Variants in NREP observed in about 807,000 individuals in gnomAD.
NREP encodes neuronal regeneration-related protein.
NREP carries 5 observed loss-of-function variants against 8.6 expected under a neutral mutation model. The ratio of observed to expected loss-of-function variants is 0.58; its 90% confidence interval spans 0.30 to 1.22. The LOEUF (loss-of-function observed/expected upper bound fraction) is 1.22. Ranked by LOEUF, NREP falls within the 50% of genes most tolerant of loss-of-function variation. The pLI is 0.07. For synonymous variants in NREP, 27 were observed against 28.0 expected, an observed-to-expected ratio of 0.96 and a Z score of 0.11; for missense variants, 86 against 82.5, an observed-to-expected ratio of 1.04 and a Z score of -0.17.
chr5:111,856,347 T>C (rs2112475262), intron 2 of NREP, among the ~76,000 whole-genome samples: 1 of 152,332 alleles, frequency 6.6e-6, no homozygotes, highest in South Asian at 2.1e-4. Context: ...TTTCACAGCC[T>C]AATGCCCTTT....
chr5:111,780,432 GGAAA>G (rs1331930258), intron 2 of NREP, among the ~76,000 whole-genome samples: 1 of 152,150 alleles, frequency 6.6e-6, no homozygotes, highest in Non-Finnish European at 1.5e-5. Context: ...CTGGAACACA[GGAAA>G]GAGTCATAGA....
intron 2 of NREP, among the ~76,000 whole-genome samples, chr5:111,926,728 G>C (rs562812497): frequency 1.3e-5 from 2 of 151,950 alleles, no homozygotes; most frequent in African/African-American, 4.8e-5. Context: ...AAGAAAAGAC[G>C]TCCCTTAGTC....
At chr5:111,829,849 G>T (rs73789516) in intron 2 of NREP, among the ~76,000 whole-genome samples, 2,265 of 152,184 alleles carry the variant, frequency 0.015, 44 homozygotes, top group African/African-American at 0.041. Context: ...CCCACATAGC[G>T]TGCCATGGGC....
chr5:111,741,277 A>T (rs1749634508), intron 2 of NREP, among the ~76,000 whole-genome samples: 2 of 152,156 alleles, frequency 1.3e-5, no homozygotes, highest in Non-Finnish European at 2.9e-5. Context: ...ATTAAATAGT[A>T]TGTGTCTGCA....
Position 111,793,310 on chromosome 5 carries a change from G to T in NREP, c.136-57803C>A, listed in dbSNP as rs1731515516. Among the ~76,000 whole-genome samples the T allele has an allele frequency of 2.0e-5, 3 of 152,108 alleles. No homozygotes were observed. In the South Asian group the frequency reaches 6.2e-4, roughly 32 times the overall value. ...AAGTCCCACAACACGCCATCTGCAA[G>T]CTGGAGAACGAGGAAAGCTAGCAGT... On this transcript the variant is annotated intron_variant, in intron 2 of 3. Transcript: ENST00000395634.
At chr5:111,767,296 C>CA (rs147980497) in intron 2 of NREP, among the ~76,000 whole-genome samples, 13,119 of 150,030 alleles carry the variant, frequency 0.087, 656 homozygotes, top group Non-Finnish European at 0.11. Context: ...TCCTCCCCGC[C>CA]AAAAAAAAAA....
intron 2 of NREP, chr5:111,940,252 GAA>G (rs1755794983): frequency 6.6e-6 from 1 of 151,996 alleles, no homozygotes; most frequent in Non-Finnish European, 1.5e-5. Flanking sequence ...AAAAGACTAC[GAA>G]ATACCAAAAA....
intron 2 of NREP, among the ~76,000 whole-genome samples, chr5:111,877,890 C>G (rs990123680): frequency 6.6e-6 from 1 of 152,150 alleles, no homozygotes; most frequent in Non-Finnish European, 1.5e-5. Context: ...ACACATAGGG[C>G]CACACTGGAG....
chr5:111,926,875 G>A (rs1303737839), intron 2 of NREP, among the ~76,000 whole-genome samples: 1 of 151,318 alleles, frequency 6.6e-6, no homozygotes, highest in Non-Finnish European at 1.5e-5. Flanking sequence ...GACTATTTCT[G>A]CCTGACCCAC....
At chr5:111,805,847 A>G (rs1752127738) in intron 2 of NREP, among the ~76,000 whole-genome samples, 2 of 152,156 alleles carry the variant, frequency 1.3e-5, no homozygotes, top group South Asian at 2.1e-4. Context: ...AATTCAGGAG[A>G]TCGACTGTAC....
chr5:111,948,990 T>G (rs192553846), intron 2 of NREP: 42 of 152,036 alleles, frequency 2.8e-4, no homozygotes, highest in Admixed American at 1.6e-3. Flanking sequence ...GGAAAAACAA[T>G]GAAACCATGG....
intron 2 of NREP, among the ~76,000 whole-genome samples, chr5:111,968,869 C>T (rs986876399): frequency 1.3e-5 from 2 of 152,198 alleles, no homozygotes; most frequent in Non-Finnish European, 2.9e-5. Context: ...CATAACCCCT[C>T]AGCATGGTTT....
intron 2 of NREP, among the ~76,000 whole-genome samples, chr5:111,804,858 G>A (rs576459686): frequency 6.6e-4 from 101 of 152,190 alleles, no homozygotes; most frequent in African/African-American, 2.4e-3. Context: ...AAAATTAGAC[G>A]GGTTTGGTGG....
intron 2 of NREP, among the ~76,000 whole-genome samples, chr5:111,763,326 G>A: frequency 6.6e-6 from 1 of 152,140 alleles, no homozygotes; most frequent in Middle Eastern, 3.2e-3. Context: ...GAATGCAAAA[G>A]CAAACACAGG....
rs192995630 is a variant in NREP at position 111,928,106 on chromosome 5, G to C, written c.135+47168C>G. 3.3e-5 allele frequency among the ~76,000 whole-genome samples: 5 copies of C among 152,234 alleles called. No individual in the cohort carries two copies. The East Asian group carries it at 9.7e-4, about 29-fold the overall frequency. On this transcript the variant is annotated intron_variant, in intron 2 of 3. Coordinates refer to the NREP transcript ENST00000395634. Reference sequence around the variant, plus strand: ...GACAGTTGCACCATGGCCCACACCTGCTCCCCGCCACCCTGAGATCATATG... The same window carrying C: ...GACAGTTGCACCATGGCCCACACCTCCTCCCCGCCACCCTGAGATCATATG...
At chr5:111,906,579 T>A (rs769017382) in intron 2 of NREP, among the ~76,000 whole-genome samples, 1 of 152,150 alleles carries the variant, frequency 6.6e-6, no homozygotes, top group Non-Finnish European at 1.5e-5. Flanking sequence ...TAAAGCATTT[T>A]AGTGATATCA....
At chr5:111,886,881 G>T (rs1754265120) in intron 2 of NREP, among the ~76,000 whole-genome samples, 1 of 151,808 alleles carries the variant, frequency 6.6e-6, no homozygotes, top group Non-Finnish European at 1.5e-5. Flanking sequence ...TAAATGACGA[G>T]TTAATGGGTG....
intron 2 of NREP, among the ~76,000 whole-genome samples, chr5:111,825,661 T>G (rs1446271044): frequency 6.6e-6 from 1 of 152,168 alleles, no homozygotes; most frequent in African/African-American, 2.4e-5. Flanking sequence ...GGAAAAATGC[T>G]CAGTTCACAT....
At chr5:111,833,170 C>T (rs926688796) in intron 2 of NREP, among the ~76,000 whole-genome samples, 1 of 152,160 alleles carries the variant, frequency 6.6e-6, no homozygotes, top group Non-Finnish European at 1.5e-5. Context: ...CATCACGTAG[C>T]CCTCAGATGA....
Sources: gnomAD v4.1 joint callset for allele counts (sites outside exome capture counted in the v4.1 genomes callset) on GRCh38, gnomAD v4.1.1 for gene constraint, MANE v1.5 for transcripts, NCBI Gene and HGNC (gene_info 2026-07-23, HGNC 2026-07-21) for gene names.